The following NCOR1 variants were observed in gnomAD, a reference collection of about 807,000 sequenced individuals.
NCOR1 encodes nuclear receptor corepressor 1, also known as protein phosphatase 1, regulatory subunit 109.
A neutral mutation model predicts 288.1 loss-of-function variants in NCOR1; 63 were observed. That is an observed-to-expected ratio of 0.22 (90% CI 0.18 to 0.27). The LOEUF (loss-of-function observed/expected upper bound fraction) is 0.27. Among genes scored for constraint, NCOR1 ranks in the 10% least tolerant of loss-of-function variants. The probability of loss-of-function intolerance (pLI) is 1.00; values close to 1 mark genes in which losing one functional copy is unlikely to be tolerated. For synonymous variants in NCOR1, 1,007 were observed against 1,065.9 expected, an observed-to-expected ratio of 0.94 and a Z score of 1.08; for missense variants, 2,397 against 3,019.2, an observed-to-expected ratio of 0.79 and a Z score of 4.83.
intron 25 of NCOR1, 162 bp from the exon 26 acceptor site, chr17:16,080,226 C>T: frequency 2.6e-6 from 2 of 777,120 alleles, no homozygotes; most frequent in Non-Finnish European, 4.0e-6. Context: ...CAAAATAATA[C>T]TAAAGAACTG....
intron 23 of NCOR1, among the ~76,000 whole-genome samples, chr17:16,083,386 G>C (rs1340191444): frequency 6.6e-6 from 1 of 151,334 alleles, no homozygotes; most frequent in East Asian, 1.9e-4. Flanking sequence ...AAAATTTAAA[G>C]GAATCAAATA....
intron 6 of NCOR1, among the ~76,000 whole-genome samples, chr17:16,155,296 A>G (rs141613538): frequency 6.7e-6 from 1 of 150,296 alleles, no homozygotes; most frequent in African/African-American, 2.4e-5. Context: ...GGTTGCAGTG[A>G]GCCAAGATCG....
chr17:16,106,552 T>C (rs1009625461), intron 19 of NCOR1, among the ~76,000 whole-genome samples: 2 of 152,110 alleles, frequency 1.3e-5, no homozygotes, highest in East Asian at 1.9e-4. Context: ...AACACTCAGA[T>C]GTGTTTTAGG....
chr17:16,076,523 G>T (rs1341001584), intron 26 of NCOR1, among the ~76,000 whole-genome samples: 1 of 152,186 alleles, frequency 6.6e-6, no homozygotes, highest in African/African-American at 2.4e-5. Flanking sequence ...AGAACTCAAC[G>T]TCAACCATTC....
intron 22 of NCOR1, chr17:16,087,299 T>C (rs1316512312): frequency 1.5e-6 from 2 of 1,304,146 alleles, no homozygotes; most frequent in Non-Finnish European, 2.0e-6. Flanking sequence ...CTTCCTGTTC[T>C]AGAGCACGTT....
At chr17:16,049,485 A>G (rs2059053046) in intron 40 of NCOR1, 1 of 152,222 alleles carries the variant, frequency 6.6e-6, no homozygotes, top group African/African-American at 2.4e-5. Context: ...ACACTATATT[A>G]TGGCAGAGGG....
intron 21 of NCOR1, among the ~76,000 whole-genome samples, chr17:16,097,898 T>G (rs1234466251): frequency 6.6e-6 from 1 of 152,184 alleles, no homozygotes; most frequent in Non-Finnish European, 1.5e-5. Context: ...ATTAGATGAT[T>G]ACGCCAGGTA....
At chr17:16,174,596 TC>T (rs1229336077) in intron 3 of NCOR1, among the ~76,000 whole-genome samples, 2 of 152,120 alleles carry the variant, frequency 1.3e-5, no homozygotes, top group African/African-American at 4.8e-5. Context: ...TCAGACTACT[TC>T]CCATTTCAGC....
intron 26 of NCOR1, among the ~76,000 whole-genome samples, chr17:16,079,511 T>C (rs1479412503): frequency 6.6e-6 from 1 of 152,234 alleles, no homozygotes; most frequent in Non-Finnish European, 1.5e-5. Context: ...GGAAGGCTTC[T>C]GGTGCTTTTG....
At position 16,146,514 on chromosome 17, in the gene NCOR1, A is replaced by C. The variant is rs745528803; in HGVS notation, c.944T>G (p.Met315Arg). The C allele has an allele frequency of 6.2e-7, 1 of 1,608,294 alleles. No homozygotes were observed. Among genetic ancestry groups the C allele is most frequent in the Non-Finnish European group, 8.5e-7 (1 of 1,178,508 alleles). The change falls in exon 10 of 46, where the codon ATG (methionine) becomes AGG (arginine). Residue 315 changes from methionine to arginine, a missense_variant. This residue lies in a region of NCOR1 where 51 missense variants were observed against 127.6 expected (regional missense o/e 0.40). Coordinates refer to ENST00000268712, the MANE Select transcript of NCOR1 (RefSeq NM_006311.4). ...GTCCACTTTTTTCTCCCATGCCTCC[A>C]TGAGCTGATCATAACGCTGGCAGAT... Reference protein sequence around the residue: ...QKICQRYDQLMEAWEKKVDRI... With the variant: ...QKICQRYDQLREAWEKKVDRI...
chr17:16,108,593 G>A (rs2069302901), intron 19 of NCOR1, among the ~76,000 whole-genome samples, 193 bp downstream of exon 19: 1 of 152,098 alleles, frequency 6.6e-6, no homozygotes, highest in Non-Finnish European at 1.5e-5. Context: ...AGATCTTCTG[G>A]ACCATCCTAG....
At chr17:16,151,331 G>A (rs1363034065) in intron 8 of NCOR1, among the ~76,000 whole-genome samples, 2 of 152,042 alleles carry the variant, frequency 1.3e-5, no homozygotes, top group East Asian at 1.9e-4. Context: ...ACTAGGATGA[G>A]CAAGGCTAAG....
rs140879242 is a variant in NCOR1 at position 16,073,508 on chromosome 17, C to T, written c.3732G>A (p.Lys1244=). ...SPRTAHEISL[K]RSYESVEGNI... is the part of the protein sequence containing the mutation. ...TTCCTTCCACTGATTCATAGCTTCTCTTTAAACTGATTTCATGAGCTGTTC... is the reference window on the plus strand; with the variant it reads ...TTCCTTCCACTGATTCATAGCTTCTTTTTAAACTGATTTCATGAGCTGTTC... Residue 1244 remains lysine (K), a synonymous_variant, in exon 28 of 46, where the codon AAG becomes AAA. Coordinates refer to ENST00000268712, the MANE Select transcript of NCOR1 (RefSeq NM_006311.4). 6 of 1,612,436 alleles carry T rather than the reference C, an allele frequency of 3.7e-6. No individual in the cohort carries two copies. The highest frequency in any genetic ancestry group is 4.2e-6 in the Non-Finnish European group (5 of 1,179,218).
chr17:16,030,878 TA>T lies in NCOR1; in HGVS notation c.*1417del. ...CTTAAAAGCCTTGAGTACTTTTGTTTAAAAGTTTAGGTCTACTTGAAAGTCT... is the reference window on the plus strand; with the variant it reads ...CTTAAAAGCCTTGAGTACTTTTGTTTAAAGTTTAGGTCTACTTGAAAGTCT... On this transcript the variant is annotated 3_prime_UTR_variant, in exon 46 of 46. Coordinates refer to ENST00000268712, the MANE Select transcript of NCOR1 (RefSeq NM_006311.4). 5.2e-6 allele frequency: 1 copy of T among 190,910 alleles called. No individual in the cohort carries two copies. Among genetic ancestry groups the T allele is most frequent in the Admixed American group, 6.2e-5 (1 of 16,256 alleles). The allele number at this position is 190,910 out of a possible 1,614,324, so 11.8% of individuals were successfully genotyped here.
chr17:16,076,094 T>A (rs1257718026), intron 26 of NCOR1, among the ~76,000 whole-genome samples: 3 of 152,254 alleles, frequency 2.0e-5, no homozygotes, highest in Non-Finnish European at 4.4e-5. Context: ...TGCCGTTTGA[T>A]ACTGGAATAC....
intron 40 of NCOR1, among the ~76,000 whole-genome samples, chr17:16,052,725 G>A (rs1031250644): frequency 7.2e-5 from 11 of 152,168 alleles, no homozygotes; most frequent in African/African-American, 2.7e-4. Flanking sequence ...ATTAAGGAAG[G>A]ACTCCTCCCT....
chr17:16,079,710 A>G, intron 26 of NCOR1, among the ~76,000 whole-genome samples: 1 of 152,248 alleles, frequency 6.6e-6, no homozygotes, highest in East Asian at 1.9e-4. Context: ...AGCTGCATCA[A>G]TTAGAACATA....
At chr17:16,150,031 G>T (rs2078611062) in intron 8 of NCOR1, among the ~76,000 whole-genome samples, 1 of 152,108 alleles carries the variant, frequency 6.6e-6, no homozygotes. Context: ...AGAAGTAATG[G>T]AGGGCAATGT....
At chr17:16,177,259 C>A (rs969331666) in intron 3 of NCOR1, among the ~76,000 whole-genome samples, 3 of 151,896 alleles carry the variant, frequency 2.0e-5, no homozygotes, top group Admixed American at 2.0e-4. Context: ...TATTTAAGTT[C>A]TTTTATAGAA....
Sources: gnomAD v4.1 joint callset for allele counts (sites outside exome capture counted in the v4.1 genomes callset) on GRCh38, gnomAD v4.1.1 for gene constraint, gnomAD v4.1.1 regional missense constraint, MANE v1.5 for transcripts, NCBI Gene and HGNC (gene_info 2026-07-23, HGNC 2026-07-21) for gene names.